The following SGMS1 variants were observed in gnomAD, a reference collection of about 807,000 sequenced individuals.
SGMS1 encodes the protein phosphatidylcholine:ceramide cholinephosphotransferase 1.
A neutral mutation model predicts 46.2 loss-of-function variants in SGMS1; 13 were observed. The observed-to-expected ratio is 0.28, with a 90% CI of 0.18 to 0.45. SGMS1 has a LOEUF of 0.45. SGMS1 is among the 20% of genes least tolerant of loss of function. SGMS1 has a pLI of 1.00. For synonymous variants in SGMS1, 203 were observed against 187.8 expected, an observed-to-expected ratio of 1.08 and a Z score of -0.66; for missense variants, 324 against 519.9, an observed-to-expected ratio of 0.62 and a Z score of 3.66.
At chr10:50,538,312 G>T (rs555917388) in intron 2 of SGMS1, among the ~76,000 whole-genome samples, 1 of 151,626 alleles carries the variant, frequency 6.6e-6, no homozygotes, top group African/African-American at 2.4e-5. Context: ...AAAAAAATTA[G>T]CCGGGCGTGG....
At chr10:50,517,779 A>G (rs995952440) in intron 3 of SGMS1, among the ~76,000 whole-genome samples, 1 of 152,184 alleles carries the variant, frequency 6.6e-6, no homozygotes, top group Non-Finnish European at 1.5e-5. Context: ...AACTTAGAGT[A>G]AGTCAAATCA....
rs191928377 is a variant in SGMS1, at chr10:50,587,579, G to A, written c.-589+2574C>T. Among the ~76,000 whole-genome samples, 158 of 151,992 alleles carry A rather than the reference G, an allele frequency of 1.0e-3. 1 individual carries two copies. The highest frequency in any genetic ancestry group is 3.4e-3 in the African/African-American group (140 of 41,438). On this transcript the variant is annotated intron_variant, in intron 2 of 10. Transcript: ENST00000361781. ...GCGGAGGTTGCAGTGAGCCGAGATC[G>A]TGCCACTGCACTCCAGCCTGGGCAA...
chr10:50,327,055 CT>C, intron 8 of SGMS1, 149 bp downstream of exon 8: 1 of 508,754 alleles, frequency 2.0e-6, no homozygotes, highest in Non-Finnish European at 3.5e-6. Flanking sequence ...AAGGGTGGGG[CT>C]GCCTGGCCAT....
At chr10:50,618,534 AT>A (rs11316457) in intron 1 of SGMS1, among the ~76,000 whole-genome samples, 37,683 of 152,084 alleles carry the variant, frequency 0.25, 5,576 homozygotes, top group African/African-American at 0.4. Flanking sequence ...AAGAGTTCAA[AT>A]TTACTAAGAA....
At position 50,343,901 on chromosome 10, in the gene SGMS1, G is replaced by A; in HGVS notation, c.214C>T (p.His72Tyr). Residue 72 changes from histidine (H) to tyrosine (Y), a missense_variant, in exon 7 of 11, where the codon CAT becomes TAT. Physicochemically the swap from His to Tyr is moderately conservative, Grantham distance 83. Around this residue, in one of 2 missense-constraint regions of SGMS1, gnomAD observed 150 missense variants for 169.8 expected, o/e 0.88. Coordinates refer to ENST00000361781, the MANE Select transcript of SGMS1 (RefSeq NM_147156.4). ...DMIETLKMEH[H>Y]LEAHKNGHAN... ...TGGCCGTTCTTGTGTGCTTCCAAAT[G>A]GTGCTCCATTTTCAGGGTTTCTATC... is the stretch of plus-strand genomic sequence containing the variant. 1.2e-6 allele frequency: 2 copies of A among 1,614,118 alleles called. No individual in the cohort carries two copies. Among genetic ancestry groups the A allele is most frequent in the Non-Finnish European group, 1.7e-6 (2 of 1,180,028 alleles).
chr10:50,308,714 G>A (rs1322953862), intron 9 of SGMS1, among the ~76,000 whole-genome samples: 3 of 152,134 alleles, frequency 2.0e-5, no homozygotes, highest in Non-Finnish European at 4.4e-5. Flanking sequence ...GTCGAATGGT[G>A]TCAGATAAAT....
intron 1 of SGMS1, among the ~76,000 whole-genome samples, chr10:50,615,044 G>A (rs183907325): frequency 5.9e-5 from 9 of 152,242 alleles, no homozygotes; most frequent in East Asian, 5.8e-4. Flanking sequence ...AATAAAATTC[G>A]CTTCCTGAAT....
At chr10:50,501,239 C>T (rs1837658899) in intron 3 of SGMS1, among the ~76,000 whole-genome samples, 1 of 152,156 alleles carries the variant, frequency 6.6e-6, no homozygotes, top group Non-Finnish European at 1.5e-5. Context: ...TCCAGCACAC[C>T]AGCATCTCCC....
intron 5 of SGMS1, among the ~76,000 whole-genome samples, chr10:50,452,617 G>A (rs1020483799): frequency 2.0e-5 from 3 of 152,078 alleles, no homozygotes; most frequent in Non-Finnish European, 4.4e-5. Context: ...AGGTAGAAAA[G>A]CACCAAGGCC....
chr10:50,327,180 G>A (rs1461516090), intron 8 of SGMS1, 25 bp downstream of exon 8: 6 of 1,402,448 alleles, frequency 4.3e-6, no homozygotes, highest in Non-Finnish European at 6.0e-6. Flanking sequence ...AACAGAAAGC[G>A]AAATTACAGC....
At chr10:50,419,467 A>G (rs1849225134) in intron 6 of SGMS1, among the ~76,000 whole-genome samples, 1 of 147,914 alleles carries the variant, frequency 6.8e-6, no homozygotes, top group Non-Finnish European at 1.5e-5. Flanking sequence ...TGGTATTCTT[A>G]CTATACAATA....
intron 2 of SGMS1, among the ~76,000 whole-genome samples, chr10:50,575,292 G>T (rs1331012746): frequency 1.3e-5 from 2 of 152,090 alleles, no homozygotes; most frequent in African/African-American, 2.4e-5. Context: ...AGTGGCTCAC[G>T]CCTACAATTC....
chr10:50,489,928 G>A (rs1327782500), intron 3 of SGMS1, among the ~76,000 whole-genome samples: 1 of 151,994 alleles, frequency 6.6e-6, no homozygotes, highest in Non-Finnish European at 1.5e-5. Context: ...GAGCTGAGAT[G>A]GTGCCACTGC....
At chr10:50,495,347 T>C (rs1238175267) in intron 3 of SGMS1, among the ~76,000 whole-genome samples, 3 of 151,916 alleles carry the variant, frequency 2.0e-5, no homozygotes, top group Non-Finnish European at 2.9e-5. Flanking sequence ...GAAATAAAAT[T>C]TGGCTAAAAT....
rs770179342 is a variant in SGMS1 at position 50,537,774 on chromosome 10, A to G, written c.-588-17853T>C. On this transcript the variant is annotated intron_variant, in intron 2 of 10. Coordinates refer to ENST00000361781, the MANE Select transcript of SGMS1 (RefSeq NM_147156.4). Reference sequence around the variant, plus strand: ...TGCTTAGGATTATTCCCTAGGTCATAGAGCTTGTCTACATTGTACCGTCAG... The same window carrying G: ...TGCTTAGGATTATTCCCTAGGTCATGGAGCTTGTCTACATTGTACCGTCAG... 4.5e-4 allele frequency among the ~76,000 whole-genome samples: 69 copies of G among 152,136 alleles called. 1 individual carries two copies. The highest frequency in any genetic ancestry group is 8.5e-4 in the Non-Finnish European group (58 of 68,030).
chr10:50,454,848 A>C (rs1487642125), intron 5 of SGMS1, among the ~76,000 whole-genome samples: 1 of 152,200 alleles, frequency 6.6e-6, no homozygotes, highest in Non-Finnish European at 1.5e-5. Context: ...TCACCAACTT[A>C]TAGGCAGTAC....
Position 50,323,987 on chromosome 10 carries a change from A to AC in SGMS1, c.741+3217dup, listed in dbSNP as rs556741695. On this transcript the variant is annotated intron_variant, in intron 8 of 10. Coordinates refer to ENST00000361781, the MANE Select transcript of SGMS1 (RefSeq NM_147156.4). ...CCTTCCTCATGCCTCATACTCTAGC[A>AC]CCCAAAGCACAGTAGGTCCCTAATG... 2.6e-4 allele frequency among the ~76,000 whole-genome samples: 39 copies of AC among 152,306 alleles called. 1 individual carries two copies. In the East Asian group the frequency reaches 6.0e-3, roughly 23 times the overall value.
chr10:50,535,459 G>A (rs527683860), intron 2 of SGMS1, among the ~76,000 whole-genome samples: 17 of 151,766 alleles, frequency 1.1e-4, no homozygotes, highest in Admixed American at 2.6e-4. Context: ...TCCGCCTCCC[G>A]GGTTCAAGCG....
intron 6 of SGMS1, among the ~76,000 whole-genome samples, chr10:50,357,327 A>C (rs752897867): frequency 2.0e-5 from 3 of 152,180 alleles, no homozygotes; most frequent in Non-Finnish European, 2.9e-5. Flanking sequence ...AATGAAAAAA[A>C]AAATTACTAA....
Sources: allele counts gnomAD v4.1 joint callset (sites outside exome capture counted in the v4.1 genomes callset), GRCh38; gene constraint gnomAD v4.1.1; regional missense constraint gnomAD v4.1.1; transcripts MANE v1.5; gene names NCBI Gene and HGNC (gene_info 2026-07-23, HGNC 2026-07-21).